PRDM12: variants seen among roughly 807,000 people sequenced by gnomAD.
PRDM12 encodes the protein PR domain zinc finger protein 12.
In PRDM12, 17 loss-of-function variants were observed where a neutral mutation model predicts 29.6. That is an observed-to-expected ratio of 0.57 (90% CI 0.39 to 0.86). The LOEUF (loss-of-function observed/expected upper bound fraction) is 0.86, where lower values mean the gene tolerates loss of function less well. Among genes scored for constraint, PRDM12 ranks in the 40% least tolerant of loss-of-function variants. PRDM12 has a pLI of 0.00. For missense variants in PRDM12, 422 were observed against 510.8 expected (o/e 0.83, Z 1.68); for synonymous variants, 231 against 225.8 (o/e 1.02, Z -0.21).
At chr9:130,680,634 A>AAATATATATATATATATAT (rs1469778040) in intron 4 of PRDM12, among the ~76,000 whole-genome samples, 1 of 88,492 alleles carries the variant, frequency 1.1e-5, no homozygotes, top group Non-Finnish European at 1.9e-5. Flanking sequence ...AAAAAAAAAA[A>AAATATATATATATATATAT]ATATATATAT....
chr9:130,681,379 G>A lies in PRDM12; in HGVS notation c.814G>A (p.Val272Met), dbSNP rs774297427. Residue 272 changes from valine (V) to methionine (M), a missense_variant, in exon 5 of 5, where the codon GTG becomes ATG. Physicochemically the swap from Val to Met is conservative, Grantham distance 21 (BLOSUM62 1). Coordinates refer to ENST00000253008, the MANE Select transcript of PRDM12 (RefSeq NM_021619.3). This position sits in a 1 kb window ranked among gnomAD's most constrained non-coding sequence, Gnocchi z 8.1. ...CATCCACACGCTGGACAAGCCCTTC[G>A]TGTGCCGCTTCTGCAACCGCCGCTT... ...MRIHTLDKPF[V>M]CRFCNRRFSQ... The A allele has an allele frequency of 1.3e-6, 2 of 1,593,260 alleles. No homozygotes were observed. Among genetic ancestry groups the A allele is most frequent in the Non-Finnish European group, 1.7e-6 (2 of 1,171,682 alleles).
intron 3 of PRDM12, among the ~76,000 whole-genome samples, chr9:130,676,286 C>G (rs1468637667): frequency 1.3e-5 from 2 of 152,120 alleles, no homozygotes; most frequent in East Asian, 3.9e-4. Context: ...ATCAGGAGAT[C>G]GAGACCATCC....
In PRDM12 at chr9:130,678,654, A is replaced by C; in HGVS notation, c.682+14A>C. 1.9e-6 allele frequency: 3 copies of C among 1,578,234 alleles called. No individual in the cohort carries two copies. Among genetic ancestry groups the C allele is most frequent in the Non-Finnish European group, 1.7e-6 (2 of 1,148,706 alleles). ...AGAACAAGCATGGTAGGTGTTCCCC[A>C]TGGGGCCGCTGAGACACAGACCCAT... On this transcript the variant is annotated intron_variant, in intron 4 of 4. Transcript: ENST00000253008.
In PRDM12 at chr9:130,666,758, A is replaced by C; in HGVS notation, c.374A>C (p.Glu125Ala). The stretch of plus-strand genomic sequence containing the variant: ...TTCACCGGCCGCGTGATCGCCCCGG[A>C]GCACGTGGACATCTGCAAGAACAAC... The part of the protein sequence containing the change: ...GPFTGRVIAP[E>A]HVDICKNNNL... Residue 125 changes from glutamate to alanine, a missense_variant, in exon 2 of 5, where the codon GAG becomes GCG. Transcript: ENST00000253008. 1 of 1,612,146 alleles carries C rather than the reference A, an allele frequency of 6.2e-7. No homozygotes were observed. Among genetic ancestry groups the C allele is most frequent in the Non-Finnish European group, 8.5e-7 (1 of 1,179,406 alleles).
At chr9:130,680,634 A>AAAATATATATATATATATATAT (rs1469778040) in intron 4 of PRDM12, among the ~76,000 whole-genome samples, 1 of 88,494 alleles carries the variant, frequency 1.1e-5, no homozygotes, top group Non-Finnish European at 1.9e-5. Context: ...AAAAAAAAAA[A>AAAATATATATATATATATATAT]ATATATATAT....
chr9:130,666,500 G>A (rs1830734084), intron 1 of PRDM12, 108 bp from the exon 2 acceptor site: 14 of 1,408,222 alleles, frequency 9.9e-6, no homozygotes, highest in Non-Finnish European at 1.3e-5. Context: ...GGCCGACTTG[G>A]GTTTGGCTGG....
intron 2 of PRDM12, among the ~76,000 whole-genome samples, chr9:130,667,549 T>G (rs952926887): frequency 2.0e-4 from 30 of 146,700 alleles, no homozygotes; most frequent in Admixed American, 1.9e-3. Flanking sequence ...CGGCGGACCC[T>G]GGAGAAGCCC....
chr9:130,672,055 G>C (rs965450103), intron 3 of PRDM12, among the ~76,000 whole-genome samples: 1 of 152,232 alleles, frequency 6.6e-6, no homozygotes, highest in African/African-American at 2.4e-5. Context: ...TGGATCCACT[G>C]ATGTGGCCCC....
intron 3 of PRDM12, among the ~76,000 whole-genome samples, chr9:130,676,825 G>A (rs1830847287): frequency 6.6e-6 from 1 of 152,172 alleles, no homozygotes; most frequent in Non-Finnish European, 1.5e-5. Flanking sequence ...GGTGACTCTA[G>A]GCTGAGTCTC....
chr9:130,680,659 A>ATATATTTTTTTTTTTTTTT, intron 4 of PRDM12, among the ~76,000 whole-genome samples: 3 of 72,192 alleles, frequency 4.2e-5, no homozygotes. Context: ...ATATATATAT[A>ATATATTTTTTTTTTTTTTT]TTTTTTTTTT....
intron 3 of PRDM12, among the ~76,000 whole-genome samples, chr9:130,671,374 GACACACACACACACACACAC>G (rs56920587): frequency 8.8e-5 from 12 of 135,642 alleles, no homozygotes; most frequent in African/African-American, 1.4e-4. Context: ...AGAGGATCAG[GACACACACACACACACACAC>G]ACACACACAC....
chr9:130,669,502 GAC>G (rs1830767861), intron 3 of PRDM12, among the ~76,000 whole-genome samples: 1 of 150,726 alleles, frequency 6.6e-6, no homozygotes. Context: ...CAGCCTGGGT[GAC>G]ACAGTGAGAC....
chr9:130,680,661 T>TATATATA (rs1564249414), intron 4 of PRDM12, among the ~76,000 whole-genome samples: 1 of 77,214 alleles, frequency 1.3e-5, no homozygotes, highest in Admixed American at 1.4e-4. Context: ...ATATATATAT[T>TATATATA]TTTTTTTTTT....
chr9:130,676,265 C>T (rs572718465), intron 3 of PRDM12, among the ~76,000 whole-genome samples: 2 of 152,000 alleles, frequency 1.3e-5, no homozygotes, highest in African/African-American at 2.4e-5. Context: ...CCGAGGCGGG[C>T]GGATCACGAG....
chr9:130,673,662 A>ATTT (rs35312514), intron 3 of PRDM12, among the ~76,000 whole-genome samples: 3 of 86,292 alleles, frequency 3.5e-5, no homozygotes, highest in Non-Finnish European at 6.5e-5. Context: ...CTCACGGCTA[A>ATTT]TTTTTTTTTT....
chr9:130,672,584 G>C (rs952827184), intron 3 of PRDM12, among the ~76,000 whole-genome samples: 1 of 152,210 alleles, frequency 6.6e-6, no homozygotes, highest in Admixed American at 6.5e-5. Context: ...ATGTTACGGA[G>C]ATTACGGGAA....
chr9:130,664,813 A>C lies in PRDM12; in HGVS notation c.160A>C (p.Ser54Arg), dbSNP rs1467833952. The change falls in exon 1 of 5, where the codon AGC becomes CGC. Residue 54 changes from serine to arginine, a missense_variant. By Grantham distance (110) the Ser-to-Arg change is moderately radical. Transcript: ENST00000253008. The surrounding 1 kb of genome is among the most constrained non-coding windows in gnomAD (Gnocchi z 6.4). The stretch of plus-strand genomic sequence containing the variant: ...CGGGGAGCAGCTCTTCGAGGACAAG[A>C]GCCACCACGCCAGCCCCAAGACAGC... Reference protein sequence around the residue: ...VLGEQLFEDKSHHASPKTAFT... With the variant: ...VLGEQLFEDKRHHASPKTAFT... 1 of 1,568,680 alleles carries C rather than the reference A, an allele frequency of 6.4e-7. No homozygotes were observed. The highest frequency in any genetic ancestry group is 1.9e-5 in the Admixed American group (1 of 53,238).
chr9:130,682,138 G>T lies in PRDM12; in HGVS notation c.*469G>T, dbSNP rs1277699454. On this transcript the variant is annotated 3_prime_UTR_variant, in exon 5 of 5. Transcript: ENST00000253008. This position sits in a 1 kb window ranked among gnomAD's most constrained non-coding sequence, Gnocchi z 4.2. ...TGTCCGGGTGTGGTCGGGCGCGGGGGTTGTGGGGGCGCCATCTCCTCTTCC... is the reference window on the plus strand; with the variant it reads ...TGTCCGGGTGTGGTCGGGCGCGGGGTTTGTGGGGGCGCCATCTCCTCTTCC... 2 of 152,556 alleles carry T rather than the reference G, an allele frequency of 1.3e-5. No individual in the cohort carries two copies. The highest frequency in any genetic ancestry group is 3.9e-4 in the East Asian group (2 of 5,152). 9.5% of individuals were successfully genotyped at this position (152,556 alleles called of 1,614,324 possible). A position where few individuals can be genotyped will look rare whatever the true frequency, so the allele number is the denominator to read the frequency against.
chr9:130,680,784 G>A (rs1326573311), intron 4 of PRDM12, among the ~76,000 whole-genome samples: 1 of 151,072 alleles, frequency 6.6e-6, no homozygotes, highest in Non-Finnish European at 1.5e-5. Flanking sequence ...ATGAGTTAAT[G>A]AAAGGTTTGG....
Sources: gnomAD v4.1 joint callset for allele counts (sites outside exome capture counted in the v4.1 genomes callset) on GRCh38, gnomAD v4.1.1 for gene constraint, Gnocchi (gnomAD v3.1) non-coding constraint, MANE v1.5 for transcripts, NCBI Gene and HGNC (gene_info 2026-07-23, HGNC 2026-07-21) for gene names.